The following NPAS1 variants were observed in gnomAD, a reference collection of about 807,000 sequenced individuals.
The protein encoded by NPAS1 is neuronal PAS domain-containing protein 1.
A neutral mutation model predicts 49.2 loss-of-function variants in NPAS1; 29 were observed. The ratio of observed to expected loss-of-function variants is 0.59; its 90% confidence interval spans 0.44 to 0.80. NPAS1 has a LOEUF of 0.80. Among genes scored for constraint, NPAS1 ranks in the 30% least tolerant of loss-of-function variants. The probability of loss-of-function intolerance (pLI) is 0.00; values close to 1 mark genes in which losing one functional copy is unlikely to be tolerated. For synonymous variants in NPAS1, 408 were observed against 380.4 expected (o/e 1.07, Z -0.84); for missense variants, 825 against 835.5 (o/e 0.99, Z 0.15).
At chr19:47,031,930 C>G (rs1229941135) in intron 3 of NPAS1, among the ~76,000 whole-genome samples, 1 of 152,152 alleles carries the variant, frequency 6.6e-6, no homozygotes, top group African/African-American at 2.4e-5. Context: ...CAGCAGGAGG[C>G]AGGGGTTGCT....
intron 3 of NPAS1, among the ~76,000 whole-genome samples, chr19:47,026,074 G>A (rs2056869241): frequency 6.6e-6 from 1 of 152,090 alleles, no homozygotes; most frequent in Admixed American, 6.6e-5. Context: ...CAAGTAGCTG[G>A]GTTACAAGCA....
At chr19:47,025,773 C>A (rs2056867484) in intron 3 of NPAS1, among the ~76,000 whole-genome samples, 1 of 151,506 alleles carries the variant, frequency 6.6e-6, no homozygotes, top group South Asian at 2.1e-4. Flanking sequence ...CGAGGTCTCA[C>A]CATGTTGCCC....
intron 5 of NPAS1, among the ~76,000 whole-genome samples, chr19:47,034,719 A>G (rs2056934614): frequency 1.3e-5 from 2 of 151,876 alleles, no homozygotes; most frequent in Non-Finnish European, 1.5e-5. Flanking sequence ...TCTACTAAAA[A>G]TACAAAATTA....
chr19:47,027,333 T>TCTCTGCCCCAGGTCCCCCC (rs2056877475), intron 3 of NPAS1, among the ~76,000 whole-genome samples: 3 of 118,772 alleles, frequency 2.5e-5, no homozygotes, highest in South Asian at 2.7e-4. Context: ...TGGATCCCCC[T>TCTCTGCCCCAGGTCCCCCC]CTCTCTGCCC....
At chr19:47,033,772 A>G (rs1345138399) in intron 5 of NPAS1, among the ~76,000 whole-genome samples, 1 of 151,538 alleles carries the variant, frequency 6.6e-6, no homozygotes, top group African/African-American at 2.4e-5. Flanking sequence ...AGCCTGGGCA[A>G]CATAGTGAGA....
chr19:47,033,467 C>T (rs1177121546), intron 5 of NPAS1, among the ~76,000 whole-genome samples: 2 of 151,954 alleles, frequency 1.3e-5, no homozygotes, highest in Non-Finnish European at 2.9e-5. Context: ...GTCTTGAACT[C>T]TCAATCTCAG....
Position 47,032,705 on chromosome 19 carries a change from A to C in NPAS1, c.495A>C (p.Thr165=), listed in dbSNP as rs1252871897. 1 of 1,614,142 alleles carries C rather than the reference A, an allele frequency of 6.2e-7. No homozygotes were observed. The highest frequency in any genetic ancestry group is 2.2e-5 in the East Asian group (1 of 44,872). ...GAAAATTCCTCTACATCTCAGAGAC[A>C]GTCTCCATCTATCTGGGTCTCTCAC... The part of the protein sequence containing the change: ...QEGKFLYISE[T]VSIYLGLSQV... The change falls in exon 5 of 12, where the codon ACA becomes ACC. Residue 165 remains threonine, a synonymous_variant. Coordinates refer to ENST00000602212, the MANE Select transcript of NPAS1 (RefSeq NM_002517.4).
At chr19:47,038,466 G>A (rs992311102) in intron 6 of NPAS1, among the ~76,000 whole-genome samples, 8 of 149,830 alleles carry the variant, frequency 5.3e-5, no homozygotes, top group Non-Finnish European at 8.9e-5. Flanking sequence ...GCAGTAGGCC[G>A]AGATCGTGCC....
In NPAS1 at chr19:47,045,428, G is replaced by A; in HGVS notation, c.1550G>A (p.Gly517Glu). The A allele has an allele frequency of 6.2e-7, 1 of 1,605,404 alleles. No homozygotes were observed. The highest frequency in any genetic ancestry group is 8.5e-7 in the Non-Finnish European group (1 of 1,176,750). ...CGGCCATGGGGCCTGGCGCCTCCCG[G>A]GGACCCCCCGCCCACCCTCCTGCAC... ...PVRPWGLAPP[G>E]DPPPTLLHAG... Residue 517 changes from glycine to glutamate, a missense_variant, in exon 12 of 12, where the codon GGG (glycine) becomes GAG (glutamate). Transcript: ENST00000602212.
chr19:47,025,976 G>A (rs1479970936), intron 3 of NPAS1, among the ~76,000 whole-genome samples: 3 of 151,652 alleles, frequency 2.0e-5, no homozygotes, highest in African/African-American at 7.3e-5. Flanking sequence ...GTCTTGCTCT[G>A]TCACCCAGGC....
chr19:47,026,579 G>A (rs2056871940), intron 3 of NPAS1, among the ~76,000 whole-genome samples: 1 of 152,184 alleles, frequency 6.6e-6, no homozygotes, highest in African/African-American at 2.4e-5. Flanking sequence ...AAATGCATGT[G>A]GGTGTGAGAG....
chr19:47,045,300 C>A lies in NPAS1; in HGVS notation c.1422C>A (p.Gly474=), dbSNP rs1050742. 1 of 1,614,080 alleles carries A rather than the reference C, an allele frequency of 6.2e-7. No individual in the cohort carries two copies. The change falls in exon 12 of 12, where the codon GGC becomes GGA. Residue 474 remains glycine (G), a synonymous_variant. Coordinates refer to ENST00000602212, the MANE Select transcript of NPAS1 (RefSeq NM_002517.4). ...AGCCCGGCCCGAGGGAAACCAAAGG[C>A]TCCGAGGACAGTGGCGACGAGGATC... is the stretch of plus-strand genomic sequence containing the variant. ...KVEPGPRETK[G]SEDSGDEDPS... is the part of the protein sequence containing the mutation.
In NPAS1 at chr19:47,036,071, G is replaced by A. The variant is rs113120604; in HGVS notation, c.630G>A (p.Pro210=). The change falls in exon 6 of 12, where the codon CCG becomes CCA. Residue 210 remains proline, a synonymous_variant. Transcript: ENST00000602212. ...LRTPTPGPPT[P]PSVSSSSSSS... ...CGCCGACGCCCGGCCCCCCAACCCC[G>A]CCCTCCGTCTCCTCTTCCTCCTCCT... The A allele has an allele frequency of 2.8e-5, 44 of 1,595,262 alleles. 2 individuals carry two copies. In the African/African-American group the frequency reaches 4.7e-4, roughly 17 times the overall value.
At chr19:47,038,107 GAA>G (rs1347063808) in intron 6 of NPAS1, among the ~76,000 whole-genome samples, 2 of 152,220 alleles carry the variant, frequency 1.3e-5, no homozygotes, top group Non-Finnish European at 2.9e-5. Context: ...TGGAGGAGGA[GAA>G]GTCTGTGCTG....
intron 3 of NPAS1, among the ~76,000 whole-genome samples, chr19:47,030,311 G>A (rs8101825): frequency 2.0e-5 from 3 of 151,698 alleles, no homozygotes; most frequent in Non-Finnish European, 4.4e-5. Context: ...CATGAGCCAC[G>A]GCGCCTGGCC....
intron 3 of NPAS1, among the ~76,000 whole-genome samples, chr19:47,027,073 A>G (rs2056875781): frequency 6.6e-6 from 1 of 152,164 alleles, no homozygotes; most frequent in Non-Finnish European, 1.5e-5. Context: ...AGGCTGAGGA[A>G]AGTAAAGGCA....
At chr19:47,044,674 T>G (rs1224961001) in intron 11 of NPAS1, among the ~76,000 whole-genome samples, 3 of 152,196 alleles carry the variant, frequency 2.0e-5, no homozygotes, top group Non-Finnish European at 4.4e-5. Context: ...ATGCCAATGG[T>G]GACCTCCCCA....
intron 9 of NPAS1, 69 bp from the exon 10 acceptor site, chr19:47,040,909 T>C (rs2122543710): frequency 7.5e-7 from 1 of 1,325,640 alleles, no homozygotes; most frequent in Non-Finnish European, 1.0e-6. Context: ...TCCTCCTGTC[T>C]ACCTGGCTCT....
Position 47,021,951 on chromosome 19 carries a change from G to A in NPAS1, c.358+104G>A. 1 of 724,370 alleles carries A rather than the reference G, an allele frequency of 1.4e-6. No homozygotes were observed. Among genetic ancestry groups the A allele is most frequent in the Admixed American group, 3.9e-5 (1 of 25,490 alleles). 44.9% of individuals were successfully genotyped at this position (724,370 alleles called of 1,614,324 possible). On this transcript the variant is annotated intron_variant, in intron 3 of 11. Transcript: ENST00000602212. This position sits in a 1 kb window ranked among gnomAD's most constrained non-coding sequence, Gnocchi z 5.7. The stretch of plus-strand genomic sequence containing the variant: ...TGCCCTCGCCCAGATGCTTGTCTCT[G>A]GAGTCAGCCAGGACCTTTGCGTGTC...
Sources: allele counts gnomAD v4.1 joint callset (sites outside exome capture counted in the v4.1 genomes callset), GRCh38; gene constraint gnomAD v4.1.1; non-coding constraint Gnocchi (gnomAD v3.1); transcripts MANE v1.5; gene names NCBI Gene and HGNC (gene_info 2026-07-23, HGNC 2026-07-21).